Variants in KLF12 observed in about 807,000 individuals in gnomAD.
The protein encoded by KLF12 is KLF transcription factor 12.
KLF12 carries 9 observed loss-of-function variants against 37.8 expected under a neutral mutation model. That is an observed-to-expected ratio of 0.24 (90% CI 0.14 to 0.42). The LOEUF (loss-of-function observed/expected upper bound fraction) is 0.42, where lower values mean the gene tolerates loss of function less well. Ranked by LOEUF, KLF12 falls within the 10% of genes least tolerant of loss-of-function variation. The pLI, the probability that KLF12 is intolerant of heterozygous loss-of-function variation, is 1.00. For synonymous variants in KLF12, 208 were observed against 202.1 expected, an observed-to-expected ratio of 1.03 and a Z score of -0.25; for missense variants, 411 against 516.0, an observed-to-expected ratio of 0.80 and a Z score of 1.97.
At chr13:73,915,508 C>T (rs562024612) in intron 3 of KLF12, among the ~76,000 whole-genome samples, 1 of 151,548 alleles carries the variant, frequency 6.6e-6, no homozygotes, top group South Asian at 2.1e-4. Flanking sequence ...GCTTCTTTTT[C>T]AGTTTTGTTT....
chr13:73,918,261 T>C lies in KLF12; in HGVS notation c.123+25720A>G, dbSNP rs1330569290. Among the ~76,000 whole-genome samples the C allele has an allele frequency of 2.0e-5, 3 of 152,170 alleles. No individual in the cohort carries two copies. In the East Asian group the frequency reaches 5.8e-4, roughly 29 times the overall value. On this transcript the variant is annotated intron_variant, in intron 3 of 7. Coordinates refer to ENST00000377669, the MANE Select transcript of KLF12 (RefSeq NM_007249.5). ...ACTTAAAACATACTTTTTCTTTTTTTCCCCAAATATTCCTCCTTTTGTAAC... is the reference window on the plus strand; with the variant it reads ...ACTTAAAACATACTTTTTCTTTTTTCCCCCAAATATTCCTCCTTTTGTAAC...
chr13:73,877,198 A>G (rs1204379331), intron 3 of KLF12, among the ~76,000 whole-genome samples: 1 of 152,156 alleles, frequency 6.6e-6, no homozygotes, highest in African/African-American at 2.4e-5. Context: ...CTAACTCCCA[A>G]TGTCCTCTCC....
the KLF12 span, among the ~76,000 whole-genome samples, chr13:74,191,882 T>C: frequency 6.6e-6 from 1 of 151,764 alleles, no homozygotes; most frequent in African/African-American, 2.4e-5. Flanking sequence ...TAGCTCTGTC[T>C]TAAAAACAGA....
At chr13:74,135,826 C>G (rs1469913493), upstream of KLF12, among the ~76,000 whole-genome samples, 1 of 152,148 alleles carries the variant, frequency 6.6e-6, no homozygotes, top group Non-Finnish European at 1.5e-5. Context: ...GGAAGAGAAA[C>G]AAGGGAGAGG....
rs181212698 is a variant in KLF12 at position 73,890,002 on chromosome 13, T to C, written c.124-43629A>G. ...TTATATGACTAAATTACAAATATTA[T>C]AAAGCTATGATAATTTGATTTATGA... On this transcript the variant is annotated intron_variant, in intron 3 of 7. Transcript: ENST00000377669. 2.0e-3 allele frequency among the ~76,000 whole-genome samples: 297 copies of C among 152,236 alleles called. 3 individuals carry two copies. Among genetic ancestry groups the C allele is most frequent in the African/African-American group, 6.7e-3 (279 of 41,558 alleles).
At chr13:74,235,933 AT>A in the KLF12 span, among the ~76,000 whole-genome samples, 68,874 of 150,092 alleles carry the variant, frequency 0.46, 18,741 homozygotes, top group East Asian at 0.85. Flanking sequence ...TTTTTAGTTT[AT>A]TTTTTTTATT....
chr13:73,809,420 A>C (rs944947098), intron 5 of KLF12, among the ~76,000 whole-genome samples: 1 of 151,848 alleles, frequency 6.6e-6, no homozygotes, highest in Non-Finnish European at 1.5e-5. Flanking sequence ...ATATCCATTA[A>C]TTAATAAAGG....
chr13:74,167,041 G>T, the KLF12 span, among the ~76,000 whole-genome samples: 1 of 152,190 alleles, frequency 6.6e-6, no homozygotes, highest in Non-Finnish European at 1.5e-5. Flanking sequence ...CACAAAACTA[G>T]TGCTATGTAT....
intron 4 of KLF12, among the ~76,000 whole-genome samples, chr13:73,829,341 G>A (rs1884024203): frequency 6.6e-6 from 1 of 152,084 alleles, no homozygotes; most frequent in Non-Finnish European, 1.5e-5. Flanking sequence ...ATGAGTCAGA[G>A]AGCAACAAAC....
chr13:74,061,932 A>G (rs1275967413), intron 1 of KLF12, among the ~76,000 whole-genome samples: 1 of 152,236 alleles, frequency 6.6e-6, no homozygotes, highest in African/African-American at 2.4e-5. Context: ...ATATGAATAC[A>G]TAAGCCTTAG....
At chr13:74,178,888 C>T in the KLF12 span, among the ~76,000 whole-genome samples, 33 of 152,264 alleles carry the variant, frequency 2.2e-4, no homozygotes, top group African/African-American at 7.9e-4. Context: ...TGCCTCACCC[C>T]CAGTTTTACT....
At chr13:74,267,187 A>G in the KLF12 span, among the ~76,000 whole-genome samples, 1 of 152,318 alleles carries the variant, frequency 6.6e-6, no homozygotes, top group East Asian at 1.9e-4. Flanking sequence ...TAATCCCCAG[A>G]ATCTGTGAAT....
intron 1 of KLF12, among the ~76,000 whole-genome samples, chr13:74,074,396 G>T (rs999775868): frequency 3.9e-5 from 6 of 152,070 alleles, no homozygotes; most frequent in African/African-American, 1.4e-4. Flanking sequence ...CCTGCAGAAG[G>T]TCTCCTGGGA....
At chr13:73,718,101 CATG>C (rs947522994) in intron 6 of KLF12, among the ~76,000 whole-genome samples, 1 of 152,174 alleles carries the variant, frequency 6.6e-6, no homozygotes, top group Non-Finnish European at 1.5e-5. Flanking sequence ...ATTTTCCACA[CATG>C]AATATAAAGA....
intron 1 of KLF12, among the ~76,000 whole-genome samples, chr13:74,111,254 C>T (rs909761122): frequency 8.6e-5 from 13 of 151,722 alleles, no homozygotes; most frequent in South Asian, 2.1e-4. Flanking sequence ...ACTTGATGTA[C>T]TCAGTGAAGG....
chr13:74,111,290 T>TG (rs1398971246), intron 1 of KLF12, among the ~76,000 whole-genome samples: 1 of 152,180 alleles, frequency 6.6e-6, no homozygotes, highest in African/African-American at 2.4e-5. Context: ...GGTACTGTAC[T>TG]GTAGCCTGAA....
chr13:74,013,928 T>C (rs1347121722), intron 1 of KLF12, among the ~76,000 whole-genome samples: 3 of 151,940 alleles, frequency 2.0e-5, no homozygotes, highest in Non-Finnish European at 4.4e-5. Flanking sequence ...TATCCTCCCA[T>C]CTCAGCCTTC....
the KLF12 span, among the ~76,000 whole-genome samples, chr13:74,149,004 G>A: frequency 5.3e-5 from 8 of 152,008 alleles, no homozygotes; most frequent in Non-Finnish European, 1.2e-4. Flanking sequence ...TAGTAGAGAC[G>A]GGATTTCAGT....
chr13:74,120,434 T>C (rs7988668), intron 1 of KLF12, among the ~76,000 whole-genome samples: 147,280 of 152,252 alleles, frequency 0.97, 71,426 homozygotes, highest in Middle Eastern at 1. Context: ...GAGCTGAGGC[T>C]GCGTCACTGC....
Sources: allele counts gnomAD v4.1 joint callset (sites outside exome capture counted in the v4.1 genomes callset), GRCh38; gene constraint gnomAD v4.1.1; transcripts MANE v1.5; gene names NCBI Gene and HGNC (gene_info 2026-07-23, HGNC 2026-07-21).